The following HYDIN variants were observed in gnomAD, a reference collection of about 807,000 sequenced individuals.
HYDIN encodes the protein axonemal central pair apparatus protein HYDIN.
HYDIN carries 132 observed loss-of-function variants against 403.9 expected under a neutral mutation model. The observed-to-expected ratio is 0.33, with a 90% CI of 0.28 to 0.38. The LOEUF (loss-of-function observed/expected upper bound fraction) is 0.38. Ranked by LOEUF, HYDIN falls within the 10% of genes least tolerant of loss-of-function variation. HYDIN has a pLI of 1.00. For synonymous variants in HYDIN, 1,202 were observed against 1,891.7 expected (o/e 0.64, Z 9.46); for missense variants, 2,827 against 5,009.5 (o/e 0.56, Z 13.15).
intron 7 of HYDIN, among the ~76,000 whole-genome samples, chr16:71,138,044 T>C (rs2085004483): frequency 6.7e-6 from 1 of 150,340 alleles, no homozygotes. Flanking sequence ...CTTTATTCAG[T>C]ATAGCAATTT....
At chr16:70,898,191 A>T (rs549821283) in intron 53 of HYDIN, among the ~76,000 whole-genome samples, 18 of 151,886 alleles carry the variant, frequency 1.2e-4, no homozygotes, top group Non-Finnish European at 2.2e-4. Flanking sequence ...ACAAAATAAT[A>T]ATAAAAACAA....
chr16:70,807,801 T>A lies in HYDIN; in HGVS notation c.15145A>T (p.Met5049Leu), dbSNP rs768734492. 2 of 1,614,154 alleles carry A rather than the reference T, an allele frequency of 1.2e-6. No individual in the cohort carries two copies. Among genetic ancestry groups the A allele is most frequent in the Non-Finnish European group, 1.7e-6 (2 of 1,180,014 alleles). ...TCCACGATGATGGAGAAGGTCACCATGTGATAGAAGACATTCTTGAAGGGG... is the reference window on the plus strand; with the variant it reads ...TCCACGATGATGGAGAAGGTCACCAAGTGATAGAAGACATTCTTGAAGGGG... ...IIPFKNVFYH[M>L]VTFSIIVDNP... Residue 5049 changes from methionine (M) to leucine (L), a missense_variant, in exon 86 of 86, where the codon ATG becomes TTG. By Grantham distance (15) the Met-to-Leu change is conservative (BLOSUM62 2). Transcript: ENST00000393567.
At chr16:71,059,310 T>C (rs1454238034) in intron 18 of HYDIN, among the ~76,000 whole-genome samples, 2 of 152,028 alleles carry the variant, frequency 1.3e-5, no homozygotes, top group Non-Finnish European at 2.9e-5. Flanking sequence ...TCCATCTTAT[T>C]TTTGCATATG....
intron 1 of HYDIN, among the ~76,000 whole-genome samples, chr16:71,212,718 T>C (rs569627578): frequency 2.0e-5 from 3 of 151,262 alleles, no homozygotes; most frequent in East Asian, 1.9e-4. Context: ...AAAGATCTGA[T>C]ATCACTGAAG....
At chr16:71,130,265 C>T (rs1328329912) in intron 8 of HYDIN, among the ~76,000 whole-genome samples, 3 of 151,924 alleles carry the variant, frequency 2.0e-5, no homozygotes, top group Admixed American at 6.6e-5. Flanking sequence ...AACCTGGGGC[C>T]GGCAGGGACT....
At chr16:70,904,478 CTTTTTTTTTTTTTTTTTTTTT>C (rs76148650) in intron 50 of HYDIN, among the ~76,000 whole-genome samples, 4 of 25,214 alleles carry the variant, frequency 1.6e-4, no homozygotes, top group South Asian at 2.2e-3. Flanking sequence ...ACTTGAGTAA[CTTTTTTTTTTTTTTTTTTTTT>C]TTTTTTTTTT....
At position 71,203,592 on chromosome 16, in the gene HYDIN, T is replaced by C. The variant is rs144727714; in HGVS notation, c.-23-16674A>G. On this transcript the variant is annotated intron_variant, in intron 1 of 85. Coordinates refer to ENST00000393567, the MANE Select transcript of HYDIN (RefSeq NM_001270974.2). ...CTGTGCCAAGCACAGTGAAGTATGC[T>C]TTACAATGCCTGGAAATTCAGGAAT... is the stretch of plus-strand genomic sequence containing the variant. 1.4e-3 allele frequency: 545 copies of C among 389,072 alleles called. 5 individuals carry two copies. The highest frequency in any genetic ancestry group is 0.014 in the East Asian group (191 of 14,036). 24.1% of individuals were successfully genotyped at this position (389,072 alleles called of 1,614,324 possible).
intron 10 of HYDIN, among the ~76,000 whole-genome samples, chr16:71,100,527 G>C (rs2083426600): frequency 6.6e-6 from 1 of 152,144 alleles, no homozygotes; most frequent in Non-Finnish European, 1.5e-5. Flanking sequence ...AACATAGTGT[G>C]GTACTGGGGC....
chr16:70,846,852 C>G (rs1388861715), intron 75 of HYDIN, among the ~76,000 whole-genome samples: 1 of 107,448 alleles, frequency 9.3e-6, no homozygotes, highest in African/African-American at 3.6e-5. Context: ...TTATCAGAGA[C>G]TAGGATTGCA....
At chr16:70,856,725 CT>C (rs1189238859) in intron 72 of HYDIN, among the ~76,000 whole-genome samples, 1 of 152,154 alleles carries the variant, frequency 6.6e-6, no homozygotes, top group Admixed American at 6.5e-5. Context: ...TATTCTTATG[CT>C]ACATTGCTTA....
intron 7 of HYDIN, among the ~76,000 whole-genome samples, chr16:71,137,999 ATTAAAAAT>A (rs1194139045): frequency 2.6e-5 from 4 of 151,992 alleles, no homozygotes; most frequent in Non-Finnish European, 5.9e-5. Context: ...CAAAAATTGT[ATTAAAAAT>A]TTAAAAATTT....
At chr16:71,161,444 T>TCACTACAA (rs2085997939) in intron 6 of HYDIN, among the ~76,000 whole-genome samples, 1 of 152,228 alleles carries the variant, frequency 6.6e-6, no homozygotes, top group Non-Finnish European at 1.5e-5. Context: ...TGCTTTATAC[T>TCACTACAA]GTCCCATGGT....
chr16:70,938,375 G>A (rs1199760094), intron 44 of HYDIN, among the ~76,000 whole-genome samples: 1 of 152,250 alleles, frequency 6.6e-6, no homozygotes, highest in Non-Finnish European at 1.5e-5. Context: ...TTACAGCCTG[G>A]TCCCAAATGC....
Position 70,992,087 on chromosome 16 carries a change from A to C in HYDIN, c.3768T>G (p.Asp1256Glu), listed in dbSNP as rs1196552339. 5 of 1,613,616 alleles carry C rather than the reference A, an allele frequency of 3.1e-6. No homozygotes were observed. Among genetic ancestry groups the C allele is most frequent in the Non-Finnish European group, 4.2e-6 (5 of 1,179,862 alleles). ...ILVTVESPEMDLNDFVKTVLV... is the reference protein window; with the variant it reads ...ILVTVESPEMELNDFVKTVLV... ...GCACTTACTTAACAAAATCATTTAAATCCATCTCGGGGGACTCTACTGTAA... is the reference window on the plus strand; with the variant it reads ...GCACTTACTTAACAAAATCATTTAACTCCATCTCGGGGGACTCTACTGTAA... The change falls in exon 24 of 86, where the codon GAT becomes GAG. Residue 1256 changes from aspartate (D) to glutamate (E), a missense_variant. Physicochemically the swap from Asp to Glu is conservative, Grantham distance 45. Transcript: ENST00000393567.
chr16:70,849,875 C>T lies in HYDIN; in HGVS notation c.12724G>A (p.Ala4242Thr), dbSNP rs1291285491. 2.7e-6 allele frequency: 2 copies of T among 746,156 alleles called. No homozygotes were observed. The highest frequency in any genetic ancestry group is 2.1e-5 in the Admixed American group (1 of 47,740). The allele number at this position is 746,156 out of a possible 1,614,324, so 46.2% of individuals were successfully genotyped here. ...NTGKFTFSFQ[A>T]QLCGSKTLLQ... ...AAGGTTTTGGAGCCACACAGCTGTGCCTGGAAGCTGAAGGTGAACTTTCCA... is the reference window on the plus strand; with the variant it reads ...AAGGTTTTGGAGCCACACAGCTGTGTCTGGAAGCTGAAGGTGAACTTTCCA... The change falls in exon 75 of 86, where the codon GCA (alanine) becomes ACA (threonine). Residue 4242 changes from alanine to threonine, a missense_variant. Physicochemically the swap from Ala to Thr is moderately conservative, Grantham distance 58 (BLOSUM62 0). Coordinates refer to ENST00000393567, the MANE Select transcript of HYDIN (RefSeq NM_001270974.2).
intron 10 of HYDIN, among the ~76,000 whole-genome samples, chr16:71,098,494 G>T (rs922116189): frequency 2.0e-5 from 3 of 151,480 alleles, no homozygotes; most frequent in African/African-American, 4.8e-5. Context: ...GAGCCACCGC[G>T]CCCGGCCAAT....
At chr16:71,055,795 G>C (rs2081865088) in intron 18 of HYDIN, among the ~76,000 whole-genome samples, 2 of 151,880 alleles carry the variant, frequency 1.3e-5, no homozygotes, top group South Asian at 4.2e-4. Context: ...AGGTGTCACT[G>C]ACATCTGGAC....
At chr16:70,859,004 A>G (rs1366249896) in intron 71 of HYDIN, among the ~76,000 whole-genome samples, 1 of 151,930 alleles carries the variant, frequency 6.6e-6, no homozygotes, top group East Asian at 1.9e-4. Flanking sequence ...GGCTTCACAT[A>G]GAACTTTGGA....
At chr16:70,926,234 G>A (rs1270923014) in intron 45 of HYDIN, among the ~76,000 whole-genome samples, 6 of 151,604 alleles carry the variant, frequency 4.0e-5, no homozygotes, top group South Asian at 4.2e-4. Context: ...ATGATAGACT[G>A]GATTAAGAAA....
Sources: allele counts gnomAD v4.1 joint callset (sites outside exome capture counted in the v4.1 genomes callset), GRCh38; gene constraint gnomAD v4.1.1; transcripts MANE v1.5; gene names NCBI Gene and HGNC (gene_info 2026-07-23, HGNC 2026-07-21).